EVC2: variants seen among roughly 807,000 people sequenced by gnomAD.
The protein encoded by EVC2 is EvC ciliary complex subunit 2.
In EVC2, 148 loss-of-function variants were observed where a neutral mutation model predicts 149.3. That is an observed-to-expected ratio of 0.99 (90% CI 0.87 to 1.14). The LOEUF (loss-of-function observed/expected upper bound fraction) is 1.14. Among genes scored for constraint, EVC2 ranks in the 50% most tolerant of loss-of-function variants. The pLI is 0.00. For synonymous variants in EVC2, 776 were observed against 649.9 expected, an observed-to-expected ratio of 1.19 and a Z score of -2.95; for missense variants, 1,854 against 1,627.3, an observed-to-expected ratio of 1.14 and a Z score of -2.40.
intron 19 of EVC2, among the ~76,000 whole-genome samples, chr4:5,570,763 A>C (rs1388240428): frequency 6.6e-6 from 1 of 152,212 alleles, no homozygotes; most frequent in Non-Finnish European, 1.5e-5. Context: ...ATCAACCAAC[A>C]AGTGAATAAA....
chr4:5,690,928 AG>A (rs1268255254), intron 4 of EVC2, among the ~76,000 whole-genome samples: 1 of 152,210 alleles, frequency 6.6e-6, no homozygotes, highest in Non-Finnish European at 1.5e-5. Context: ...AGGATTAGGA[AG>A]GTTAAAGACC....
rs185268024 is a variant in EVC2 at position 5,599,585 on chromosome 4, G to C, written c.2830-14735C>G. Among the ~76,000 whole-genome samples, 86 of 152,250 alleles carry C rather than the reference G, an allele frequency of 5.6e-4. 1 individual carries two copies. Among genetic ancestry groups the C allele is most frequent in the East Asian group, 5.4e-3 (28 of 5,180 alleles). Reference sequence around the variant, plus strand: ...GGGGACTGATGTGGGGTGGGCAGAGGGGGGAGGGATAGCTTTAGGAGATAT... The same window carrying C: ...GGGGACTGATGTGGGGTGGGCAGAGCGGGGAGGGATAGCTTTAGGAGATAT... On this transcript the variant is annotated intron_variant, in intron 16 of 21. Coordinates refer to ENST00000344408, the MANE Select transcript of EVC2 (RefSeq NM_147127.5).
chr4:5,645,895 C>T (rs1485073423), intron 9 of EVC2, among the ~76,000 whole-genome samples: 1 of 152,144 alleles, frequency 6.6e-6, no homozygotes, highest in Admixed American at 6.6e-5. Context: ...TATAAGCATT[C>T]TTTTTGCTCC....
chr4:5,707,910 A>G (rs2151749546), intron 1 of EVC2: 1 of 167,032 alleles, frequency 6.0e-6, no homozygotes, highest in East Asian at 1.6e-4. Flanking sequence ...GGGGCTCTGC[A>G]TATGTGAGCT....
At chr4:5,529,581 C>T in the EVC2 span, among the ~76,000 whole-genome samples, 2 of 152,170 alleles carry the variant, frequency 1.3e-5, no homozygotes, top group African/African-American at 4.8e-5. The surrounding 1 kb of genome is among the most constrained non-coding windows in gnomAD (Gnocchi z 4.5). Context: ...TATCTTAAAA[C>T]ATCCTCTCAC....
chr4:5,611,083 C>G (rs2108822631), intron 16 of EVC2, among the ~76,000 whole-genome samples: 1 of 152,240 alleles, frequency 6.6e-6, no homozygotes, highest in East Asian at 1.9e-4. Context: ...TGGAGATCCT[C>G]AGATGTCTCT....
At chr4:5,559,132 T>G (rs1022445348), downstream of EVC2, among the ~76,000 whole-genome samples, 1 of 152,012 alleles carries the variant, frequency 6.6e-6, no homozygotes. The surrounding 1 kb of genome is among the most constrained non-coding windows in gnomAD (Gnocchi z 5.0). Flanking sequence ...ATCACTTAAC[T>G]TGGAAAGTCA....
chr4:5,647,425 C>T (rs1189655376), intron 9 of EVC2, among the ~76,000 whole-genome samples: 5 of 152,162 alleles, frequency 3.3e-5, no homozygotes, highest in African/African-American at 4.8e-5. Flanking sequence ...GCTTCCGTCC[C>T]CTTAAGACAC....
chr4:5,699,352 A>G (rs933014532), intron 1 of EVC2, among the ~76,000 whole-genome samples: 1 of 152,246 alleles, frequency 6.6e-6, no homozygotes, highest in African/African-American at 2.4e-5. Context: ...TCTATTTAAA[A>G]TAGTAAATTA....
At chr4:5,588,003 C>A (rs1023202849) in intron 16 of EVC2, among the ~76,000 whole-genome samples, 1 of 152,108 alleles carries the variant, frequency 6.6e-6, no homozygotes, top group African/African-American at 2.4e-5. Flanking sequence ...GAGGGGTGGT[C>A]TCCTCCCTGA....
the EVC2 span, among the ~76,000 whole-genome samples, chr4:5,535,476 G>C: frequency 6.6e-6 from 1 of 151,992 alleles, no homozygotes; most frequent in East Asian, 1.9e-4. This position sits in a 1 kb window ranked among gnomAD's most constrained non-coding sequence, Gnocchi z 4.7. Flanking sequence ...CAGTTGGCTC[G>C]GACTGCTATA....
chr4:5,563,144 A>G (rs760975601), intron 21 of EVC2, 29 bp from the exon 22 acceptor site: 6 of 1,605,970 alleles, frequency 3.7e-6, no homozygotes, highest in Admixed American at 1.7e-5. Context: ...ATCAAATTCA[A>G]TATTTTTGGC....
chr4:5,658,811 A>G (rs1186981422), intron 9 of EVC2, among the ~76,000 whole-genome samples: 1 of 152,246 alleles, frequency 6.6e-6, no homozygotes, highest in Non-Finnish European at 1.5e-5. Flanking sequence ...TGAGAATTAA[A>G]TAAGATCGCA....
chr4:5,541,406 A>G (rs1721511751), downstream of EVC2, among the ~76,000 whole-genome samples: 2 of 152,196 alleles, frequency 1.3e-5, no homozygotes, highest in African/African-American at 2.4e-5. Context: ...GGAAGCAGTT[A>G]TTTCAAAGAA....
chr4:5,592,845 A>C lies in EVC2; in HGVS notation c.2830-7995T>G, dbSNP rs528100243. ...TGAACAGCCCGCCCCAAGGGAAGAA[A>C]CACGGGAGAAGGGATGTGATATGGT... On this transcript the variant is annotated intron_variant, in intron 16 of 21. Transcript: ENST00000344408. Among the ~76,000 whole-genome samples, 7 of 152,286 alleles carry C rather than the reference A, an allele frequency of 4.6e-5. No individual in the cohort carries two copies. In the South Asian group the frequency reaches 1.5e-3, roughly 32 times the overall value.
At chr4:5,707,991 C>T (rs1722325577) in intron 1 of EVC2, 1 of 272,248 alleles carries the variant, frequency 3.7e-6, no homozygotes, top group Admixed American at 5.4e-5. Context: ...GAAACTGGGG[C>T]ACAGGAGTGA....
chr4:5,553,649 T>C (rs1287721784), intron 21 of EVC2, among the ~76,000 whole-genome samples: 5 of 152,198 alleles, frequency 3.3e-5, no homozygotes, highest in South Asian at 2.1e-4. Flanking sequence ...ATTATAGTTA[T>C]GATTGCACAA....
intron 1 of EVC2, among the ~76,000 whole-genome samples, chr4:5,697,870 C>T (rs529128154): frequency 2.0e-5 from 3 of 152,024 alleles, no homozygotes; most frequent in East Asian, 3.9e-4. Context: ...CTCAGCCTCC[C>T]GAGTAGCTGG....
chr4:5,705,075 T>TAATG (rs1722048278), intron 1 of EVC2, among the ~76,000 whole-genome samples: 1 of 152,198 alleles, frequency 6.6e-6, no homozygotes, highest in African/African-American at 2.4e-5. Context: ...GTGTAACAGA[T>TAATG]AATGTTACAT....
Sources: allele counts gnomAD v4.1 joint callset (sites outside exome capture counted in the v4.1 genomes callset), GRCh38; gene constraint gnomAD v4.1.1; non-coding constraint Gnocchi (gnomAD v3.1); transcripts MANE v1.5; gene names NCBI Gene and HGNC (gene_info 2026-07-23, HGNC 2026-07-21).